The following PTK2B variants were observed in gnomAD, a reference collection of about 807,000 sequenced individuals.
The protein encoded by PTK2B is protein-tyrosine kinase 2-beta.
In PTK2B, 71 loss-of-function variants were observed where a neutral mutation model predicts 142.9. The ratio of observed to expected loss-of-function variants is 0.50; its 90% CI spans 0.41 to 0.61. The LOEUF (loss-of-function observed/expected upper bound fraction) is 0.61. Ranked by LOEUF, PTK2B falls within the 20% of genes least tolerant of loss-of-function variation. The pLI is 0.00. For missense variants in PTK2B, 1,105 were observed against 1,320.4 expected (o/e 0.84, Z 2.53); for synonymous variants, 519 against 503.4 (o/e 1.03, Z -0.42).
intron 2 of PTK2B, among the ~76,000 whole-genome samples, chr8:27,408,220 T>C (rs1808843927): frequency 6.6e-6 from 1 of 152,046 alleles, no homozygotes. Flanking sequence ...CCCACAGAAA[T>C]CCGGCCATAA....
At chr8:27,369,306 C>G (rs1394839417) in intron 1 of PTK2B, among the ~76,000 whole-genome samples, 2 of 152,142 alleles carry the variant, frequency 1.3e-5, no homozygotes, top group African/African-American at 2.4e-5. Flanking sequence ...AGGCCCTGTG[C>G]TGGGCCTGGG....
chr8:27,317,673 T>A (rs1482221232), intron 3 of PTK2B, among the ~76,000 whole-genome samples: 2 of 152,228 alleles, frequency 1.3e-5, no homozygotes, highest in African/African-American at 4.8e-5. Flanking sequence ...AATAGACTTT[T>A]GAGCTGAATA....
At chr8:27,368,169 G>C (rs1806130767) in intron 1 of PTK2B, among the ~76,000 whole-genome samples, 1 of 152,232 alleles carries the variant, frequency 6.6e-6, no homozygotes, top group Non-Finnish European at 1.5e-5. Context: ...CGGACGGGTG[G>C]CTCCTGTTAG....
chr8:27,384,791 A>G (rs1807240417), intron 1 of PTK2B, among the ~76,000 whole-genome samples: 1 of 152,200 alleles, frequency 6.6e-6, no homozygotes, highest in Non-Finnish European at 1.5e-5. Context: ...TATTTACACT[A>G]TATATTCCAG....
chr8:27,381,649 C>A (rs770823444), intron 1 of PTK2B, among the ~76,000 whole-genome samples: 1 of 152,106 alleles, frequency 6.6e-6, no homozygotes, highest in Non-Finnish European at 1.5e-5. Flanking sequence ...GATTTAATTT[C>A]CTCTGGAAAA....
chr8:27,408,099 T>C (rs1040886179), intron 2 of PTK2B, among the ~76,000 whole-genome samples: 2 of 152,174 alleles, frequency 1.3e-5, no homozygotes, highest in African/African-American at 4.8e-5. Flanking sequence ...CAAAAGTTTT[T>C]CTCTGACTTT....
intron 1 of PTK2B, among the ~76,000 whole-genome samples, chr8:27,343,898 G>A (rs1804560781): frequency 6.6e-6 from 1 of 152,144 alleles, no homozygotes; most frequent in South Asian, 2.1e-4. Flanking sequence ...AGCTACTTGG[G>A]AGGCTGAGGC....
At chr8:27,329,824 C>T (rs561226535) in intron 1 of PTK2B, among the ~76,000 whole-genome samples, 2 of 152,146 alleles carry the variant, frequency 1.3e-5, no homozygotes, top group East Asian at 3.9e-4. Flanking sequence ...TTTGGTACCC[C>T]CTGAGTGACG....
At chr8:27,383,160 T>C (rs1159385038) in intron 1 of PTK2B, among the ~76,000 whole-genome samples, 2 of 152,208 alleles carry the variant, frequency 1.3e-5, no homozygotes, top group African/African-American at 4.8e-5. Flanking sequence ...TATGGTCATT[T>C]TAACAATATT....
intron 24 of PTK2B, among the ~76,000 whole-genome samples, chr8:27,447,199 A>G (rs1811525437): frequency 6.6e-6 from 1 of 152,240 alleles, no homozygotes; most frequent in Non-Finnish European, 1.5e-5. Context: ...GCAGTAGGAA[A>G]AAAGACCTTT....
At chr8:27,414,608 G>GTGTGTGTGTGTGTT (rs140323992) in intron 2 of PTK2B, among the ~76,000 whole-genome samples, 1 of 148,872 alleles carries the variant, frequency 6.7e-6, no homozygotes, top group African/African-American at 2.5e-5. Context: ...CTCTCTCTCT[G>GTGTGTGTGTGTGTT]TGTGTGTGTG....
intron 1 of PTK2B, among the ~76,000 whole-genome samples, chr8:27,387,832 TA>T (rs1318561370): frequency 8.4e-5 from 12 of 143,094 alleles, no homozygotes; most frequent in Admixed American, 6.4e-4. Flanking sequence ...TTTTTTTTTT[TA>T]AATCTACATG....
At chr8:27,409,207 T>C (rs1375619851) in intron 2 of PTK2B, among the ~76,000 whole-genome samples, 1 of 152,208 alleles carries the variant, frequency 6.6e-6, no homozygotes, top group East Asian at 1.9e-4. Context: ...GATTTCAACA[T>C]ATCCTTTTGG....
chr8:27,399,017 T>G (rs552054219), intron 2 of PTK2B, among the ~76,000 whole-genome samples: 4 of 152,358 alleles, frequency 2.6e-5, no homozygotes, highest in African/African-American at 9.6e-5. Flanking sequence ...CACAATTGTG[T>G]CCTGAGAGTA....
intron 3 of PTK2B, among the ~76,000 whole-genome samples, chr8:27,318,672 G>C (rs55906168): frequency 0.46 from 69,364 of 151,966 alleles, 16,763 homozygotes; most frequent in Non-Finnish European, 0.54. Context: ...TGTTTTTGAG[G>C]CAGAGTATTG....
intron 27 of PTK2B, 43 bp downstream of exon 27, chr8:27,451,552 C>G: frequency 2.5e-6 from 4 of 1,613,638 alleles, no homozygotes; most frequent in Admixed American, 1.7e-5. Context: ...CTCTTGGCAC[C>G]TTGTGCAGAG....
chr8:27,355,111 C>T (rs535498435), intron 1 of PTK2B, among the ~76,000 whole-genome samples: 2 of 152,194 alleles, frequency 1.3e-5, no homozygotes, highest in Non-Finnish European at 2.9e-5. Flanking sequence ...CAAAGATGTC[C>T]GCATCCTAAT....
chr8:27,420,123 G>C lies in PTK2B; in HGVS notation c.383+50G>C, dbSNP rs1365581948. 1.9e-6 allele frequency: 3 copies of C among 1,603,800 alleles called. No homozygotes were observed. In the South Asian group the frequency reaches 3.3e-5, roughly 18 times the overall value. ...GAAGTGGGAAGGAGAGGAATTTAGG[G>C]TGGGGAGGCCCTGGGAGTTTCTCCC... On this transcript the variant is annotated intron_variant, in intron 3 of 30. Coordinates refer to ENST00000346049, the MANE Select transcript of PTK2B (RefSeq NM_173176.3).
chr8:27,336,877 C>A (rs990198628), intron 1 of PTK2B, among the ~76,000 whole-genome samples: 1 of 152,104 alleles, frequency 6.6e-6, no homozygotes, highest in Non-Finnish European at 1.5e-5. Flanking sequence ...TCTCTGTCAC[C>A]CAGGCTGGAG....
Sources: allele counts gnomAD v4.1 joint callset (sites outside exome capture counted in the v4.1 genomes callset), GRCh38; gene constraint gnomAD v4.1.1; transcripts MANE v1.5; gene names NCBI Gene and HGNC (gene_info 2026-07-23, HGNC 2026-07-21).